The following ZNF366 variants were observed in gnomAD, a reference collection of about 807,000 sequenced individuals.
The protein encoded by ZNF366 is dendritic cell-specific transcript protein.
A neutral mutation model predicts 47.2 loss-of-function variants in ZNF366; 20 were observed. The ratio of observed to expected loss-of-function variants is 0.42; its 90% CI spans 0.30 to 0.62. ZNF366 has a LOEUF of 0.62. ZNF366 is among the 20% of genes least tolerant of loss of function. The pLI, the probability that ZNF366 is intolerant of heterozygous loss-of-function variation, is 0.16. For missense variants in ZNF366, 987 were observed against 976.3 expected, an observed-to-expected ratio of 1.01 and a Z score of -0.15; for synonymous variants, 421 against 395.1, an observed-to-expected ratio of 1.07 and a Z score of -0.78.
At chr5:72,448,544 A>G (rs1411854793) in intron 3 of ZNF366, among the ~76,000 whole-genome samples, 1 of 152,160 alleles carries the variant, frequency 6.6e-6, no homozygotes, top group African/African-American at 2.4e-5. Context: ...CTGTGATTGG[A>G]CAAGAATGTT....
intron 1 of ZNF366, among the ~76,000 whole-genome samples, chr5:72,472,918 A>C (rs1743599654): frequency 6.6e-6 from 1 of 152,152 alleles, no homozygotes. Flanking sequence ...CCTCAGACAG[A>C]ATCAGTCCCC....
At chr5:72,489,798 AG>A (rs1743968911) in intron 1 of ZNF366, among the ~76,000 whole-genome samples, 1 of 152,254 alleles carries the variant, frequency 6.6e-6, no homozygotes, top group Non-Finnish European at 1.5e-5. Flanking sequence ...ATTTACAAGA[AG>A]AAAAGAGCTA....
intron 1 of ZNF366, among the ~76,000 whole-genome samples, chr5:72,487,913 A>G (rs920972635): frequency 6.6e-6 from 1 of 152,158 alleles, no homozygotes; most frequent in Non-Finnish European, 1.5e-5. Flanking sequence ...AGAAGAACTG[A>G]CATAACAGGG....
intron 3 of ZNF366, among the ~76,000 whole-genome samples, chr5:72,449,229 C>T (rs995559721): frequency 2.0e-5 from 3 of 151,166 alleles, no homozygotes; most frequent in Non-Finnish European, 4.4e-5. Context: ...GCCCACTTCT[C>T]CACCATCATG....
At chr5:72,471,545 A>C (rs1743564359) in intron 1 of ZNF366, among the ~76,000 whole-genome samples, 1 of 152,188 alleles carries the variant, frequency 6.6e-6, no homozygotes, top group Non-Finnish European at 1.5e-5. Context: ...TTGGGAGTGA[A>C]GCAGCTGAGT....
intron 3 of ZNF366, among the ~76,000 whole-genome samples, chr5:72,448,990 T>A (rs1397442973): frequency 2.6e-5 from 4 of 152,160 alleles, no homozygotes; most frequent in Admixed American, 2.0e-4. Flanking sequence ...GGTTCCAAGC[T>A]CAGCATCCAG....
intron 1 of ZNF366, among the ~76,000 whole-genome samples, chr5:72,482,746 TTGTGTGTGTGTG>T (rs3041122): frequency 7.8e-5 from 11 of 141,080 alleles, no homozygotes; most frequent in Admixed American, 5.0e-4. Context: ...CATTTCTATT[TTGTGTGTGTGTG>T]TGTGTGTGTG....
chr5:72,490,266 G>A (rs1338333778), intron 1 of ZNF366, among the ~76,000 whole-genome samples: 1 of 152,174 alleles, frequency 6.6e-6, no homozygotes, highest in Non-Finnish European at 1.5e-5. Context: ...TACATCTACT[G>A]TGGAGATAAA....
At chr5:72,457,149 G>A (rs993207039) in intron 2 of ZNF366, among the ~76,000 whole-genome samples, 6 of 152,104 alleles carry the variant, frequency 3.9e-5, no homozygotes. Context: ...GTTCCCACAG[G>A]CCACACTGAC....
chr5:72,478,195 T>C (rs2112341699), intron 1 of ZNF366, among the ~76,000 whole-genome samples: 1 of 151,344 alleles, frequency 6.6e-6, no homozygotes, highest in East Asian at 2.0e-4. Flanking sequence ...GTTAGATTTA[T>C]GCAATGTCTG....
At chr5:72,445,886 C>G (rs955816497) in intron 4 of ZNF366, among the ~76,000 whole-genome samples, 2 of 152,172 alleles carry the variant, frequency 1.3e-5, no homozygotes, top group Admixed American at 1.3e-4. Context: ...TTTTTCAGGG[C>G]TTTTGCACAA....
rs778281671 is a variant in ZNF366, at chr5:72,461,097, C to G, written c.400G>C (p.Val134Leu). 8.7e-6 allele frequency: 14 copies of G among 1,614,078 alleles called. No individual in the cohort carries two copies. The highest frequency in any genetic ancestry group is 2.2e-5 in the East Asian group (1 of 44,868). ...AGGCTGCGGTAGAATTGGAAGCCCA[C>G]GTTGCACAGGTCGATCATCTGAGAG... ...YDSQMIDLCN[V>L]GFQFYRSLEH... Residue 134 changes from valine to leucine, a missense_variant, in exon 2 of 5, where the codon GTG (valine) becomes CTG (leucine). Physicochemically the swap from Val to Leu is conservative, Grantham distance 32. Transcript: ENST00000318442.
chr5:72,444,428 G>A (rs989509652), intron 4 of ZNF366, 137 bp from the exon 5 acceptor site: 2 of 1,023,414 alleles, frequency 2.0e-6, no homozygotes, highest in Non-Finnish European at 2.8e-6. Context: ...GTAAGGATGT[G>A]GTCTTGGGAG....
At chr5:72,449,356 G>A (rs10076842) in intron 3 of ZNF366, among the ~76,000 whole-genome samples, 71,121 of 151,320 alleles carry the variant, frequency 0.47, 17,360 homozygotes, top group Non-Finnish European at 0.54. Flanking sequence ...AGTGATTCTC[G>A]TGCCTCAGCC....
intron 3 of ZNF366, 43 bp downstream of exon 3, chr5:72,456,361 C>A: frequency 1.3e-6 from 2 of 1,548,754 alleles, no homozygotes; most frequent in Admixed American, 1.7e-5. Context: ...TCCCATCAGG[C>A]ATTTGCACAA....
rs192736258 is a variant in ZNF366 at position 72,460,969 on chromosome 5, G to A, written c.528C>T (p.Tyr176=). Residue 176 remains tyrosine, a synonymous_variant, in exon 2 of 5, where the codon TAC becomes TAT. Coordinates refer to ENST00000318442, the MANE Select transcript of ZNF366 (RefSeq NM_152625.3). Reference sequence around the variant, plus strand: ...TGAGGCCCGGGTGGACTTTGGGGTAGTAGGGGTAGGGCGTGGGCAGGAATG... The same window carrying A: ...TGAGGCCCGGGTGGACTTTGGGGTAATAGGGGTAGGGCGTGGGCAGGAATG... ...PTPFLPTPYP[Y]YPKVHPGLMF... is the part of the protein sequence containing the mutation. The A allele has an allele frequency of 2.5e-5, 40 of 1,613,402 alleles. No homozygotes were observed. In the East Asian group the frequency reaches 8.5e-4, roughly 34 times the overall value.
At chr5:72,467,208 C>G (rs1211869577) in intron 1 of ZNF366, among the ~76,000 whole-genome samples, 1 of 152,156 alleles carries the variant, frequency 6.6e-6, no homozygotes, top group Non-Finnish European at 1.5e-5. Context: ...AATGCATCAC[C>G]CAAACCCAAT....
chr5:72,476,236 A>G (rs1743672968), intron 1 of ZNF366, among the ~76,000 whole-genome samples: 1 of 152,112 alleles, frequency 6.6e-6, no homozygotes, highest in African/African-American at 2.4e-5. Context: ...GGAAGTTTTA[A>G]ACATACAATG....
Position 72,478,271 on chromosome 5 carries a change from AC to A in ZNF366, c.-14-16762del, listed in dbSNP as rs559740665. On this transcript the variant is annotated intron_variant, in intron 1 of 4. Transcript: ENST00000318442. ...CATTTCTTCAGTGTCTTGATATACC[AC>A]CCCTTCTATGCAGGTTTCAAGCTGG... Among the ~76,000 whole-genome samples the A allele has an allele frequency of 2.9e-5, 3 of 104,508 alleles. No individual in the cohort carries two copies. The South Asian group carries it at 1.2e-3, about 43-fold the overall frequency. 68.6% of individuals were successfully genotyped at this position (104,508 alleles called of 152,430 possible).
Sources: allele counts gnomAD v4.1 joint callset (sites outside exome capture counted in the v4.1 genomes callset), GRCh38; gene constraint gnomAD v4.1.1; transcripts MANE v1.5; gene names NCBI Gene and HGNC (gene_info 2026-07-23, HGNC 2026-07-21).